COTL1: variants seen among roughly 807,000 people sequenced by gnomAD.
COTL1 encodes coactosin like F-actin binding protein 1.
COTL1 carries 15 observed loss-of-function variants against 16.5 expected under a neutral mutation model. The observed-to-expected ratio is 0.91, with a 90% confidence interval of 0.61 to 1.40. The LOEUF is 1.40. COTL1 is among the 40% of genes most tolerant of loss of function. The pLI is 0.00. For missense variants in COTL1, 220 were observed against 201.5 expected (o/e 1.09, Z -0.56); for synonymous variants, 112 against 85.3 (o/e 1.31, Z -1.73).
At chr16:84,596,987 C>T (rs539086867) in intron 2 of COTL1, among the ~76,000 whole-genome samples, 16 of 152,204 alleles carry the variant, frequency 1.1e-4, no homozygotes, top group South Asian at 4.1e-4. Context: ...CAGCCAGGGC[C>T]GCATCCCAGC....
intron 3 of COTL1, chr16:84,568,619 G>C (rs1410463149): frequency 6.6e-6 from 1 of 152,220 alleles, no homozygotes; most frequent in East Asian, 1.9e-4. Context: ...ACAGAAAGCA[G>C]ACTCGTGGTT....
chr16:84,590,349 G>A lies in COTL1; in HGVS notation c.161-87C>T, dbSNP rs1321436051. On this transcript the variant is annotated intron_variant, in intron 2 of 3. Coordinates refer to ENST00000262428, the MANE Select transcript of COTL1 (RefSeq NM_021149.5). This position sits in a 1 kb window ranked among gnomAD's most constrained non-coding sequence, Gnocchi z 5.5. ...TGGGGAGAGGCTGTGAGCCACGAGT[G>A]CGCCTGGAGCAGCACAGCAGGAGAC... is the stretch of plus-strand genomic sequence containing the variant. The A allele has an allele frequency of 2.0e-6, 3 of 1,502,050 alleles. No individual in the cohort carries two copies. Among genetic ancestry groups the A allele is most frequent in the Non-Finnish European group, 2.7e-6 (3 of 1,102,220 alleles). The allele number at this position is 1,502,050 out of a possible 1,614,324, so 93.0% of individuals were successfully genotyped here. A position where few individuals can be genotyped will look rare whatever the true frequency, so the allele number is the denominator to read the frequency against.
intron 3 of COTL1, among the ~76,000 whole-genome samples, chr16:84,583,603 T>C (rs574715634): frequency 6.6e-6 from 1 of 152,138 alleles, no homozygotes; most frequent in African/African-American, 2.4e-5. Flanking sequence ...ACAACAGGCA[T>C]GCGACACCAT....
chr16:84,589,376 C>A (rs555753027), intron 3 of COTL1, among the ~76,000 whole-genome samples: 2 of 152,184 alleles, frequency 1.3e-5, no homozygotes, highest in African/African-American at 2.4e-5. Context: ...TGGTACCCCC[C>A]GCCCTCTGTA....
At chr16:84,591,823 C>CAAATAAAATAAAATAAAATAAAATA (rs11273175) in intron 2 of COTL1, among the ~76,000 whole-genome samples, 1,993 of 120,608 alleles carry the variant, frequency 0.017, 49 homozygotes, top group African/African-American at 0.039. Context: ...GACCCTGTCT[C>CAAATAAAATAAAATAAAATAAAATA]AAATAAAATA....
At chr16:84,610,183 C>A (rs1186628913) in intron 2 of COTL1, among the ~76,000 whole-genome samples, 1 of 152,204 alleles carries the variant, frequency 6.6e-6, no homozygotes, top group Non-Finnish European at 1.5e-5. Context: ...CCTTGTCCAG[C>A]CTGGATTCTC....
intron 2 of COTL1, among the ~76,000 whole-genome samples, chr16:84,617,017 T>C (rs1772200064): frequency 6.6e-6 from 1 of 152,230 alleles, no homozygotes; most frequent in South Asian, 2.1e-4. Flanking sequence ...CTCTTTTGCA[T>C]CTGATTCTAC....
chr16:84,616,614 T>C (rs1905492504), intron 2 of COTL1: 1 of 152,254 alleles, frequency 6.6e-6, no homozygotes, highest in Non-Finnish European at 1.5e-5. Flanking sequence ...TGCTTCCAAC[T>C]AAAGACCAGA....
chr16:84,578,917 A>G (rs1904514138), intron 3 of COTL1, among the ~76,000 whole-genome samples: 1 of 118,518 alleles, frequency 8.4e-6, no homozygotes, highest in South Asian at 2.1e-4. Context: ...ACATGCATGC[A>G]TACACACAGA....
Position 84,617,493 on chromosome 16 carries a change from C to CTCCCTACCTGT in COTL1, c.157_160+7dup. The CTCCCTACCTGT allele has an allele frequency of 6.5e-7, 1 of 1,550,360 alleles. No individual in the cohort carries two copies. Among genetic ancestry groups the CTCCCTACCTGT allele is most frequent in the Non-Finnish European group, 8.7e-7 (1 of 1,146,598 alleles). On this transcript the variant is annotated splice_region_variant and intron_variant, in intron 2 of 3. Coordinates refer to ENST00000262428, the MANE Select transcript of COTL1 (RefSeq NM_021149.5). Reference sequence around the variant, plus strand: ...CCGCGCATCCGCCCGGCAGGCGCGCCTCCCTACCTGTGCACTGCTGGATGA... The same window carrying CTCCCTACCTGT: ...CCGCGCATCCGCCCGGCAGGCGCGCCTCCCTACCTGTTCCCTACCTGTGCACTGCTGGATGA...
At chr16:84,602,934 C>T (rs1241224900) in intron 2 of COTL1, among the ~76,000 whole-genome samples, 1 of 152,150 alleles carries the variant, frequency 6.6e-6, no homozygotes, top group African/African-American at 2.4e-5. Context: ...GTGATGCCTG[C>T]GTAACAAGGA....
At chr16:84,603,050 T>C (rs1905132956) in intron 2 of COTL1, among the ~76,000 whole-genome samples, 1 of 152,186 alleles carries the variant, frequency 6.6e-6, no homozygotes, top group South Asian at 2.1e-4. Context: ...GTTCAGGTCC[T>C]GGCTCTGCCC....
chr16:84,582,710 G>C (rs1051318974), intron 3 of COTL1, among the ~76,000 whole-genome samples: 2 of 152,180 alleles, frequency 1.3e-5, no homozygotes, highest in Non-Finnish European at 1.5e-5. Context: ...CATCAAAATG[G>C]AGAAGCCCTT....
At chr16:84,596,841 C>G (rs999445914) in intron 2 of COTL1, 5 of 152,700 alleles carry the variant, frequency 3.3e-5, no homozygotes, top group African/African-American at 1.2e-4. Flanking sequence ...CAACTCTCCA[C>G]TGCTCTGTCC....
chr16:84,607,354 G>T (rs557559402), intron 2 of COTL1, among the ~76,000 whole-genome samples: 4 of 152,116 alleles, frequency 2.6e-5, no homozygotes, highest in African/African-American at 9.6e-5. Flanking sequence ...CGGCACAGGG[G>T]AAGAGCTGAG....
At chr16:84,614,617 C>T (rs753722083) in intron 2 of COTL1, among the ~76,000 whole-genome samples, 16 of 152,054 alleles carry the variant, frequency 1.1e-4, no homozygotes, top group Non-Finnish European at 2.2e-4. Flanking sequence ...CAGGAAGGCC[C>T]ACACCCTGAG....
Position 84,590,287 on chromosome 16 carries a change from C to T in COTL1, c.161-25G>A, listed in dbSNP as rs374874679. The T allele has an allele frequency of 1.2e-5, 20 of 1,610,326 alleles. No homozygotes were observed. Among genetic ancestry groups the T allele is most frequent in the Middle Eastern group, 1.7e-4 (1 of 6,044 alleles). ...TCTGTGGCCAAAAGCGAAAAGAGAA[C>T]ATGGTGCTGCGTTAAAACACCCCCA... On this transcript the variant is annotated intron_variant, in intron 2 of 3. Transcript: ENST00000262428. The surrounding 1 kb of genome is among the most constrained non-coding windows in gnomAD (Gnocchi z 5.5).
chr16:84,573,816 A>G (rs1442216717), intron 3 of COTL1, among the ~76,000 whole-genome samples: 1 of 151,604 alleles, frequency 6.6e-6, no homozygotes, highest in African/African-American at 2.4e-5. Flanking sequence ...TATTCCGAAG[A>G]TCTCTGCGTT....
intron 2 of COTL1, among the ~76,000 whole-genome samples, chr16:84,617,115 C>A (rs1278790473): frequency 2.0e-5 from 3 of 152,180 alleles, no homozygotes; most frequent in African/African-American, 4.8e-5. Flanking sequence ...TCTTTCCCTT[C>A]CAAGCAGCCC....
Sources: allele counts gnomAD v4.1 joint callset (sites outside exome capture counted in the v4.1 genomes callset), GRCh38; gene constraint gnomAD v4.1.1; non-coding constraint Gnocchi (gnomAD v3.1); transcripts MANE v1.5; gene names NCBI Gene and HGNC (gene_info 2026-07-23, HGNC 2026-07-21).